PBX1: variants seen among roughly 807,000 people sequenced by gnomAD.
PBX1 encodes pre-B-cell leukemia transcription factor 1.
A neutral mutation model predicts 53.4 loss-of-function variants in PBX1; 6 were observed. That is an observed-to-expected ratio of 0.11 (90% CI 0.06 to 0.22). PBX1 has a LOEUF of 0.22. PBX1 is among the 10% of genes least tolerant of loss of function. The pLI is 1.00. For missense variants in PBX1, 251 were observed against 551.4 expected (o/e 0.46, Z 5.46); for synonymous variants, 204 against 212.3 (o/e 0.96, Z 0.34).
chr1:164,660,089 C>T (rs976518115), intron 2 of PBX1, among the ~76,000 whole-genome samples: 1 of 152,136 alleles, frequency 6.6e-6, no homozygotes, highest in Non-Finnish European at 1.5e-5. Flanking sequence ...TCTAAAACTA[C>T]TCACCAAAGG....
At chr1:164,572,801 A>G (rs1390097007) in intron 2 of PBX1, among the ~76,000 whole-genome samples, 1 of 152,206 alleles carries the variant, frequency 6.6e-6, no homozygotes, top group Non-Finnish European at 1.5e-5. Flanking sequence ...TATTTTTCTG[A>G]AACCACATGA....
rs117103469 is a variant in PBX1, at chr1:164,601,796, C to T, written c.265+38485C>T. The stretch of plus-strand genomic sequence containing the variant: ...TACTGTGAAGATGAGACCCCTTAGC[C>T]TGTGGGATTAACTTTCCATGGAGCC... On this transcript the variant is annotated intron_variant, in intron 2 of 8. Coordinates refer to ENST00000420696, the MANE Select transcript of PBX1 (RefSeq NM_002585.4). 6.6e-5 allele frequency among the ~76,000 whole-genome samples: 10 copies of T among 152,258 alleles called. No individual in the cohort carries two copies. The East Asian group carries it at 1.9e-3, about 29-fold the overall frequency.
chr1:164,671,758 GA>G (rs1297671025), intron 2 of PBX1, among the ~76,000 whole-genome samples: 1 of 152,112 alleles, frequency 6.6e-6, no homozygotes. Flanking sequence ...CAAATCAATA[GA>G]AAGCCTCTGC....
chr1:164,628,465 A>C (rs949876352), intron 2 of PBX1, among the ~76,000 whole-genome samples: 3 of 152,188 alleles, frequency 2.0e-5, no homozygotes, highest in Non-Finnish European at 4.4e-5. Context: ...TCACCACCAG[A>C]ACAGGGAATC....
chr1:164,760,087 C>G (rs1346983624), intron 2 of PBX1, among the ~76,000 whole-genome samples: 2 of 152,172 alleles, frequency 1.3e-5, no homozygotes, highest in Non-Finnish European at 2.9e-5. Context: ...TTTATTGTTT[C>G]TATCTCGTTT....
chr1:164,865,632 G>A (rs532261078), intron 2 of PBX1, among the ~76,000 whole-genome samples: 1 of 152,298 alleles, frequency 6.6e-6, no homozygotes, highest in East Asian at 1.9e-4. Context: ...GCACAGTGAG[G>A]CTGATCCACT....
chr1:164,683,006 G>A (rs1661877866), intron 2 of PBX1: 1 of 152,194 alleles, frequency 6.6e-6, no homozygotes, highest in African/African-American at 2.4e-5. Flanking sequence ...TATTTACTAA[G>A]CATGTCTTGA....
chr1:164,713,359 T>G (rs1384568103), intron 2 of PBX1, among the ~76,000 whole-genome samples: 1 of 152,096 alleles, frequency 6.6e-6, no homozygotes, highest in Non-Finnish European at 1.5e-5. Context: ...AACATGTGAT[T>G]AAAATAAAAA....
At chr1:164,647,785 G>A (rs1659548533) in intron 2 of PBX1, among the ~76,000 whole-genome samples, 1 of 151,118 alleles carries the variant, frequency 6.6e-6, no homozygotes, top group Non-Finnish European at 1.5e-5. Flanking sequence ...GGCTGGTGCT[G>A]AGCATCTGTA....
intron 2 of PBX1, among the ~76,000 whole-genome samples, chr1:164,675,357 A>C (rs1332263530): frequency 2.0e-5 from 3 of 152,236 alleles, no homozygotes; most frequent in Middle Eastern, 3.4e-3. Flanking sequence ...TTGGTGCAAA[A>C]GTAATTGCGG....
intron 2 of PBX1, among the ~76,000 whole-genome samples, chr1:164,779,042 AT>A (rs11350510): frequency 0.46 from 60,445 of 131,922 alleles, 12,287 homozygotes; most frequent in East Asian, 0.58. Context: ...AAAGGAGATA[AT>A]TTTTTTTTTT....
At chr1:164,775,443 C>T (rs186165760) in intron 2 of PBX1, among the ~76,000 whole-genome samples, 2 of 152,208 alleles carry the variant, frequency 1.3e-5, no homozygotes, top group East Asian at 3.9e-4. Context: ...AAAGGATGCC[C>T]GCAGAGACCA....
At chr1:164,584,972 C>T (rs1654858941) in intron 2 of PBX1, among the ~76,000 whole-genome samples, 1 of 151,944 alleles carries the variant, frequency 6.6e-6, no homozygotes, top group Admixed American at 6.6e-5. Flanking sequence ...TCAGATGAAC[C>T]AAAATACTAG....
At chr1:164,635,898 A>G (rs962331649) in intron 2 of PBX1, among the ~76,000 whole-genome samples, 1 of 152,174 alleles carries the variant, frequency 6.6e-6, no homozygotes, top group Non-Finnish European at 1.5e-5. Context: ...CAAGCTCAGT[A>G]AAGATGTCTT....
chr1:164,579,195 T>C (rs1477770480), intron 2 of PBX1, among the ~76,000 whole-genome samples: 1 of 152,246 alleles, frequency 6.6e-6, no homozygotes, highest in Non-Finnish European at 1.5e-5. Flanking sequence ...TTCTAGAAGC[T>C]GGAATTAATT....
At chr1:164,795,034 T>C (rs1021209898) in intron 3 of PBX1, among the ~76,000 whole-genome samples, 2 of 151,974 alleles carry the variant, frequency 1.3e-5, no homozygotes, top group African/African-American at 2.4e-5. Context: ...ATGACAGCCA[T>C]AGTACATTTT....
chr1:164,760,415 CCCT>C (rs1372627485), intron 2 of PBX1, among the ~76,000 whole-genome samples: 2 of 143,348 alleles, frequency 1.4e-5, no homozygotes, highest in East Asian at 4.6e-4. Context: ...CTCCTTCCAT[CCCT>C]CCTCCCTCCC....
At chr1:164,835,038 GT>G (rs1295977924) in intron 8 of PBX1, among the ~76,000 whole-genome samples, 3 of 152,118 alleles carry the variant, frequency 2.0e-5, no homozygotes, top group East Asian at 3.9e-4. Flanking sequence ...GTATAAGTGT[GT>G]TTTTTATGTG....
chr1:164,765,969 G>T (rs1667040319), intron 2 of PBX1, among the ~76,000 whole-genome samples: 1 of 152,144 alleles, frequency 6.6e-6, no homozygotes, highest in Non-Finnish European at 1.5e-5. Flanking sequence ...CATGCCCCTA[G>T]CAAAGTTCTA....
Sources: allele counts gnomAD v4.1 joint callset (sites outside exome capture counted in the v4.1 genomes callset), GRCh38; gene constraint gnomAD v4.1.1; transcripts MANE v1.5; gene names NCBI Gene and HGNC (gene_info 2026-07-23, HGNC 2026-07-21).